The following PRKCZ variants were observed in gnomAD, a reference collection of about 807,000 sequenced individuals.
PRKCZ encodes the protein protein kinase C zeta type.
PRKCZ carries 33 observed loss-of-function variants against 79.5 expected under a neutral mutation model. The ratio of observed to expected loss-of-function variants is 0.41; its 90% CI spans 0.31 to 0.55. The LOEUF (loss-of-function observed/expected upper bound fraction) is 0.55, where lower values mean the gene tolerates loss of function less well. Ranked by LOEUF, PRKCZ falls within the 20% of genes least tolerant of loss-of-function variation. The pLI is 0.19. For synonymous variants in PRKCZ, 342 were observed against 320.9 expected (o/e 1.07, Z -0.70); for missense variants, 578 against 813.5 (o/e 0.71, Z 3.52).
chr1:2,151,026 CT>C, intron 9 of PRKCZ, 48 bp downstream of exon 9: 2 of 1,595,974 alleles, frequency 1.3e-6, no homozygotes, highest in East Asian at 4.5e-5. Flanking sequence ...ACGCGCTGCC[CT>C]GGGGCCTCCT....
upstream of PRKCZ, chr1:2,050,133 G>C (rs1048199850): frequency 6.6e-6 from 1 of 152,142 alleles, no homozygotes; most frequent in Non-Finnish European, 1.5e-5. Context: ...GTTCCCGGGG[G>C]CGCCGCTCCG....
intron 10 of PRKCZ, among the ~76,000 whole-genome samples, chr1:2,163,486 A>G (rs1433333568): frequency 6.6e-6 from 1 of 152,248 alleles, no homozygotes; most frequent in Non-Finnish European, 1.5e-5. Flanking sequence ...AGAAGGTTCT[A>G]GAAAGGCTGA....
Position 2,148,880 on chromosome 1 carries a change from A to G in PRKCZ, c.643A>G (p.Ile215Val), listed in dbSNP as rs1401846483. Residue 215 changes from isoleucine (I) to valine (V), a missense_variant, in exon 8 of 18, where the codon ATT (isoleucine) becomes GTT (valine). Ile to Val is a conservative substitution (Grantham distance 29). This residue lies in a region of PRKCZ where 91 missense variants were observed against 97.5 expected (regional missense o/e 0.93). Transcript: ENST00000378567. ...PSEETDGIAY[I>V]SSSRKHDSIK... ...CCTCCCTCTCTCACCAGTTGCTTAC[A>G]TTTCCTCATCCCGGAAGCATGACAG... 2 of 1,613,792 alleles carry G rather than the reference A, an allele frequency of 1.2e-6. No homozygotes were observed. Among genetic ancestry groups the G allele is most frequent in the Admixed American group, 3.3e-5 (2 of 59,992 alleles).
intron 1 of PRKCZ, among the ~76,000 whole-genome samples, chr1:2,054,274 G>C (rs915235865): frequency 6.6e-5 from 10 of 152,312 alleles, no homozygotes; most frequent in African/African-American, 2.4e-4. Context: ...GCGCTCTTGT[G>C]GGTGTCAGAA....
intron 2 of PRKCZ, 169 bp downstream of exon 2, chr1:2,055,731 C>A: frequency 9.9e-7 from 1 of 1,014,250 alleles, no homozygotes; most frequent in Non-Finnish European, 1.4e-6. Flanking sequence ...AAGAGGTTGG[C>A]CACAGATGCT....
chr1:2,062,142 A>G (rs1010188291), intron 4 of PRKCZ, among the ~76,000 whole-genome samples: 8 of 152,240 alleles, frequency 5.3e-5, no homozygotes, highest in Non-Finnish European at 1.2e-4. Flanking sequence ...ATATGAGTGA[A>G]TTGGTTTTAT....
chr1:2,090,057 G>A (rs575784823), intron 4 of PRKCZ, among the ~76,000 whole-genome samples: 2 of 152,246 alleles, frequency 1.3e-5, no homozygotes, highest in African/African-American at 2.4e-5. Context: ...CTTCCTCCCC[G>A]TGCGGCCGTG....
chr1:2,084,588 CTGGACTG>C (rs2102418447), intron 4 of PRKCZ, among the ~76,000 whole-genome samples: 1 of 152,362 alleles, frequency 6.6e-6, no homozygotes, highest in Admixed American at 6.5e-5. Context: ...TGGTCTCTGC[CTGGACTG>C]TGGATGGGGG....
intron 7 of PRKCZ, among the ~76,000 whole-genome samples, chr1:2,148,293 C>T (rs1429190216): frequency 2.0e-5 from 3 of 151,934 alleles, no homozygotes; most frequent in Non-Finnish European, 4.4e-5. Context: ...CCACTGACCT[C>T]TCCATCTATC....
At chr1:2,097,828 A>G (rs981246751) in intron 4 of PRKCZ, among the ~76,000 whole-genome samples, 13 of 152,240 alleles carry the variant, frequency 8.5e-5, no homozygotes, top group African/African-American at 2.9e-4. Flanking sequence ...TTTTACTTCT[A>G]TAGAAGGGTG....
intron 10 of PRKCZ, among the ~76,000 whole-genome samples, chr1:2,162,255 C>T (rs1682469271): frequency 6.6e-6 from 1 of 152,220 alleles, no homozygotes; most frequent in South Asian, 2.1e-4. Flanking sequence ...CCTCAACCCC[C>T]CGAGTAGCTG....
At chr1:2,132,952 G>C (rs1293066738) in intron 4 of PRKCZ, among the ~76,000 whole-genome samples, 2 of 152,204 alleles carry the variant, frequency 1.3e-5, no homozygotes, top group African/African-American at 4.8e-5. Context: ...AGCCACATTG[G>C]GGGTTAGGGC....
At chr1:2,164,066 G>A (rs72925869) in intron 10 of PRKCZ, among the ~76,000 whole-genome samples, 5,866 of 152,280 alleles carry the variant, frequency 0.039, 346 homozygotes, top group African/African-American at 0.13. Context: ...GGGGAAAACC[G>A]TGCCCTGTCT....
At chr1:2,053,189 C>G (rs2102197646) in intron 1 of PRKCZ, among the ~76,000 whole-genome samples, 1 of 151,934 alleles carries the variant, frequency 6.6e-6, no homozygotes, top group African/African-American at 2.4e-5. Context: ...TATCCTTCAC[C>G]TCCGAGGTTC....
Position 2,174,537 on chromosome 1 carries a change from G to C in PRKCZ, c.1406-217G>C, listed in dbSNP as rs937146065. ...TGAGGAAGGGGAGCTGCTGGTTCAC[G>C]TCCGATCCTACGACACGTGCCAGCG... is the stretch of plus-strand genomic sequence containing the variant. On this transcript the variant is annotated intron_variant, in intron 14 of 17. Coordinates refer to ENST00000378567, the MANE Select transcript of PRKCZ (RefSeq NM_002744.6). This position sits in a 1 kb window ranked among gnomAD's most constrained non-coding sequence, Gnocchi z 6.2. Among the ~76,000 whole-genome samples, 2 of 152,236 alleles carry C rather than the reference G, an allele frequency of 1.3e-5. No individual in the cohort carries two copies. The highest frequency in any genetic ancestry group is 2.9e-5 in the Non-Finnish European group (2 of 68,034).
intron 4 of PRKCZ, among the ~76,000 whole-genome samples, chr1:2,103,789 C>T (rs1338370812): frequency 1.3e-5 from 2 of 152,162 alleles, no homozygotes; most frequent in Non-Finnish European, 2.9e-5. Context: ...GCCTCTGGGG[C>T]GGCGGGTGAG....
intron 4 of PRKCZ, chr1:2,074,413 C>T (rs1052682772): frequency 2.0e-5 from 25 of 1,263,804 alleles, no homozygotes; most frequent in African/African-American, 9.7e-5. Flanking sequence ...TCACTGTGGC[C>T]GATGCTTTTT....
chr1:2,180,680 A>G (rs1686434924), intron 16 of PRKCZ, among the ~76,000 whole-genome samples: 1 of 152,180 alleles, frequency 6.6e-6, no homozygotes, highest in Non-Finnish European at 1.5e-5. Flanking sequence ...ACTCAGATCC[A>G]CAGATGACTC....
chr1:2,164,486 G>T (rs565450346), intron 10 of PRKCZ, among the ~76,000 whole-genome samples: 1 of 152,316 alleles, frequency 6.6e-6, no homozygotes, highest in East Asian at 1.9e-4. Flanking sequence ...GTCACCAGGG[G>T]GCAGTTGCAT....
Sources: allele counts gnomAD v4.1 joint callset (sites outside exome capture counted in the v4.1 genomes callset), GRCh38; gene constraint gnomAD v4.1.1; regional missense constraint gnomAD v4.1.1; non-coding constraint Gnocchi (gnomAD v3.1); transcripts MANE v1.5; gene names NCBI Gene and HGNC (gene_info 2026-07-23, HGNC 2026-07-21).